DLGAP4: variants seen among roughly 807,000 people sequenced by gnomAD.
DLGAP4 encodes disks large-associated protein 4.
Under a neutral mutation model 86.9 loss-of-function variants are expected in DLGAP4, and 18 were observed. That is an observed-to-expected ratio of 0.21 (90% confidence interval 0.14 to 0.31). The LOEUF (loss-of-function observed/expected upper bound fraction) is 0.31, where lower values mean the gene tolerates loss of function less well. Ranked by LOEUF, DLGAP4 falls within the 10% of genes least tolerant of loss-of-function variation. The pLI is 1.00. For synonymous variants in DLGAP4, 548 were observed against 574.3 expected, an observed-to-expected ratio of 0.95 and a Z score of 0.65; for missense variants, 1,085 against 1,362.6, an observed-to-expected ratio of 0.80 and a Z score of 3.21.
chr20:36,337,597 A>T (rs113486874), intron 1 of DLGAP4, among the ~76,000 whole-genome samples: 2 of 152,160 alleles, frequency 1.3e-5, no homozygotes, highest in Non-Finnish European at 2.9e-5. Flanking sequence ...GCTGCTCCTC[A>T]TGGGGTCTCC....
chr20:36,444,184 TTTTAA>T (rs2033529112), intron 6 of DLGAP4, among the ~76,000 whole-genome samples: 1 of 152,240 alleles, frequency 6.6e-6, no homozygotes, highest in African/African-American at 2.4e-5. Context: ...ATGGCCTATA[TTTTAA>T]TTTATCAGTA....
intron 1 of DLGAP4, among the ~76,000 whole-genome samples, chr20:36,344,245 C>T (rs374214253): frequency 1.3e-5 from 2 of 152,238 alleles, no homozygotes; most frequent in South Asian, 2.1e-4. Flanking sequence ...AACTTCACCT[C>T]TCTGAGTCTC....
intron 1 of DLGAP4, among the ~76,000 whole-genome samples, chr20:36,307,813 G>A (rs1338479710): frequency 2.0e-5 from 3 of 152,206 alleles, no homozygotes; most frequent in Non-Finnish European, 4.4e-5. Flanking sequence ...GCCCTCACTT[G>A]TGGGAGGGGG....
chr20:36,355,581 G>A (rs1569469303), intron 1 of DLGAP4, among the ~76,000 whole-genome samples: 1 of 152,240 alleles, frequency 6.6e-6, no homozygotes, highest in African/African-American at 2.4e-5. Context: ...ACAGGCGTCA[G>A]CCACTGAGCC....
chr20:36,447,578 G>A (rs927190466), intron 7 of DLGAP4, among the ~76,000 whole-genome samples: 1 of 152,014 alleles, frequency 6.6e-6, no homozygotes, highest in Non-Finnish European at 1.5e-5. Flanking sequence ...ATGCCACCAT[G>A]CCTGGCTAAT....
intron 2 of DLGAP4, among the ~76,000 whole-genome samples, chr20:36,415,432 G>C (rs2032624474): frequency 6.6e-6 from 1 of 152,184 alleles, no homozygotes; most frequent in Non-Finnish European, 1.5e-5. Flanking sequence ...GCTAAATAGA[G>C]ACAGTGCCCG....
At chr20:36,401,324 C>T (rs976758592) in intron 2 of DLGAP4, among the ~76,000 whole-genome samples, 5 of 152,202 alleles carry the variant, frequency 3.3e-5, no homozygotes, top group African/African-American at 7.2e-5. Flanking sequence ...CCAAGCAGTC[C>T]CGGGCAGAAT....
At chr20:36,472,677 A>G (rs2034722685) in intron 7 of DLGAP4, among the ~76,000 whole-genome samples, 1 of 151,988 alleles carries the variant, frequency 6.6e-6, no homozygotes, top group African/African-American at 2.4e-5. Context: ...CTAGTCCTTA[A>G]CTCTCAACAT....
At chr20:36,436,815 CAAAA>C (rs556657516) in intron 4 of DLGAP4, among the ~76,000 whole-genome samples, 3 of 110,442 alleles carry the variant, frequency 2.7e-5, no homozygotes, top group Admixed American at 9.9e-5. Context: ...GACTCCGTCT[CAAAA>C]AAAAAAAAAA....
rs907980697 is a variant in DLGAP4 at position 36,345,675 on chromosome 20, T to C, written c.-303-21370T>C. On this transcript the variant is annotated intron_variant, in intron 1 of 12. Coordinates refer to ENST00000339266, the MANE Select transcript of DLGAP4 (RefSeq NM_001365621.2). ...TTAGTGGGTGCCCAGGACGTATTTG[T>C]TGAATGAATGAGCAGAATCCACCCA... 2.6e-5 allele frequency among the ~76,000 whole-genome samples: 4 copies of C among 152,164 alleles called. 1 individual carries two copies. The highest frequency in any genetic ancestry group is 9.7e-5 in the African/African-American group (4 of 41,432).
chr20:36,494,985 T>G (rs1215471597), intron 7 of DLGAP4, among the ~76,000 whole-genome samples: 2 of 30,980 alleles, frequency 6.5e-5, no homozygotes, highest in East Asian at 1.2e-3. Context: ...TTTTGTTCGG[T>G]TTTTTTTTTT....
chr20:36,438,834 G>A (rs1031830373), intron 4 of DLGAP4, among the ~76,000 whole-genome samples: 2 of 149,630 alleles, frequency 1.3e-5, no homozygotes. Context: ...TCAGCCTCCC[G>A]AGTAGCTGAG....
At chr20:36,409,840 T>C (rs1277694308) in intron 2 of DLGAP4, among the ~76,000 whole-genome samples, 2 of 151,792 alleles carry the variant, frequency 1.3e-5, no homozygotes, top group Middle Eastern at 3.2e-3. Context: ...GAGACCATCC[T>C]GGCTAACACG....
chr20:36,399,344 C>T (rs1479145385), intron 2 of DLGAP4, among the ~76,000 whole-genome samples: 1 of 152,228 alleles, frequency 6.6e-6, no homozygotes, highest in Non-Finnish European at 1.5e-5. Context: ...GTCACTTCCA[C>T]CCGAAGAGCC....
At chr20:36,461,751 G>GGGCGCCCCCCC in intron 7 of DLGAP4, 1 of 618,852 alleles carries the variant, frequency 1.6e-6, no homozygotes. Flanking sequence ...CCGTCCGTCC[G>GGGCGCCCCCCC]CCCGCCCGCC....
intron 10 of DLGAP4, among the ~76,000 whole-genome samples, chr20:36,521,998 G>C (rs776866240): frequency 9.9e-5 from 15 of 151,956 alleles, no homozygotes; most frequent in Admixed American, 2.0e-4. Flanking sequence ...AGGCTGGCAG[G>C]AATCTGTACG....
chr20:36,467,044 CT>C (rs2034426215), intron 7 of DLGAP4, among the ~76,000 whole-genome samples: 2 of 132,518 alleles, frequency 1.5e-5, no homozygotes, highest in Non-Finnish European at 3.1e-5. Context: ...CTCTCTCTCT[CT>C]CTCTCTCTCT....
chr20:36,328,214 AT>A (rs1555891170), intron 1 of DLGAP4, among the ~76,000 whole-genome samples: 1 of 152,050 alleles, frequency 6.6e-6, no homozygotes, highest in African/African-American at 2.4e-5. Context: ...AATAAAAAAA[AT>A]AAAAAATAAA....
At chr20:36,416,074 G>A (rs937709180) in intron 2 of DLGAP4, among the ~76,000 whole-genome samples, 2 of 152,126 alleles carry the variant, frequency 1.3e-5, no homozygotes, top group Non-Finnish European at 2.9e-5. Flanking sequence ...CTTTATGCTT[G>A]GGATGAGCGT....
Sources: gnomAD v4.1 joint callset for allele counts (sites outside exome capture counted in the v4.1 genomes callset) on GRCh38, gnomAD v4.1.1 for gene constraint, MANE v1.5 for transcripts, NCBI Gene and HGNC (gene_info 2026-07-23, HGNC 2026-07-21) for gene names.